Variants in TMEM45A observed in about 807,000 individuals in gnomAD.
TMEM45A encodes the protein DNA polymerase-transactivated protein 4.
A neutral mutation model predicts 32.0 loss-of-function variants in TMEM45A; 25 were observed. That is an observed-to-expected ratio of 0.78 (90% confidence interval 0.57 to 1.09). TMEM45A has a LOEUF of 1.09. Ranked by LOEUF, TMEM45A falls within the 50% of genes least tolerant of loss-of-function variation. The pLI is 0.00. For synonymous variants in TMEM45A, 122 were observed against 114.8 expected (o/e 1.06, Z -0.40); for missense variants, 302 against 325.0 (o/e 0.93, Z 0.54).
At chr3:100,500,201 T>C (rs1707990112) in intron 1 of TMEM45A, among the ~76,000 whole-genome samples, 1 of 152,178 alleles carries the variant, frequency 6.6e-6, no homozygotes, top group Non-Finnish European at 1.5e-5. Context: ...ACATAAATAT[T>C]ATTTTAAAAT....
At chr3:100,514,305 C>T (rs537755716) in intron 1 of TMEM45A, among the ~76,000 whole-genome samples, 4 of 152,178 alleles carry the variant, frequency 2.6e-5, no homozygotes, top group Non-Finnish European at 5.9e-5. Flanking sequence ...AGAACAGAGC[C>T]CTCAGAAATA....
At chr3:100,569,075 C>A in intron 5 of TMEM45A, 108 bp downstream of exon 5, 1 of 1,162,774 alleles carries the variant, frequency 8.6e-7, no homozygotes, top group South Asian at 1.6e-5. Flanking sequence ...TCCTTATCAT[C>A]CCATAAGACA....
intron 1 of TMEM45A, among the ~76,000 whole-genome samples, chr3:100,534,527 A>G (rs1202603805): frequency 6.6e-6 from 1 of 152,184 alleles, no homozygotes; most frequent in Non-Finnish European, 1.5e-5. Context: ...GGAGGTATCT[A>G]GAAGCTGGAA....
At chr3:100,548,042 G>T (rs1330565605) in intron 1 of TMEM45A, among the ~76,000 whole-genome samples, 2 of 152,108 alleles carry the variant, frequency 1.3e-5, no homozygotes, top group Non-Finnish European at 2.9e-5. Context: ...CATTGAGAGG[G>T]GTTGGTAGTG....
intron 1 of TMEM45A, among the ~76,000 whole-genome samples, chr3:100,528,143 C>T (rs1705581859): frequency 1.3e-5 from 2 of 152,350 alleles, no homozygotes; most frequent in South Asian, 4.1e-4. Flanking sequence ...AGTATGGTCA[C>T]TCTACCTTCA....
chr3:100,545,186 CT>C (rs1705960058), intron 1 of TMEM45A, among the ~76,000 whole-genome samples: 1 of 152,042 alleles, frequency 6.6e-6, no homozygotes, highest in Non-Finnish European at 1.5e-5. Context: ...CTTTTTGTAT[CT>C]TGTTAAAAAT....
intron 1 of TMEM45A, among the ~76,000 whole-genome samples, chr3:100,498,190 A>G (rs1488099874): frequency 1.3e-5 from 2 of 152,112 alleles, no homozygotes; most frequent in African/African-American, 4.8e-5. Flanking sequence ...TTCTGCCATG[A>G]TTGTAAGTTT....
rs1706705369 is a variant in TMEM45A, at chr3:100,577,034, A to C, written c.*16A>C. 2 of 1,595,396 alleles carry C rather than the reference A, an allele frequency of 1.3e-6. No homozygotes were observed. Among genetic ancestry groups the C allele is most frequent in the Non-Finnish European group, 1.7e-6 (2 of 1,167,968 alleles). ...AGAAATGTGACTTTGATGAGCTTCC[A>C]GTTTTTCTAGATAAACCTTTTCTTT... On this transcript the variant is annotated 3_prime_UTR_variant, in exon 6 of 6. Transcript: ENST00000323523.
chr3:100,575,363 C>CTTTTTGTTTTTTTTTTTTTT (rs1706660754), intron 5 of TMEM45A, among the ~76,000 whole-genome samples: 1 of 62,706 alleles, frequency 1.6e-5, no homozygotes, highest in African/African-American at 5.4e-5. Flanking sequence ...TATGGATTCT[C>CTTTTTGTTTTTTTTTTTTTT]TTTTTTTTTT....
At chr3:100,496,521 C>G (rs985046864) in intron 1 of TMEM45A, among the ~76,000 whole-genome samples, 5 of 152,336 alleles carry the variant, frequency 3.3e-5, no homozygotes, top group Non-Finnish European at 2.9e-5. Context: ...GCTACAGCTG[C>G]TCTTCGTGTT....
At chr3:100,527,369 G>A (rs1490152554) in intron 1 of TMEM45A, among the ~76,000 whole-genome samples, 4 of 152,178 alleles carry the variant, frequency 2.6e-5, no homozygotes, top group Non-Finnish European at 5.9e-5. Flanking sequence ...AAGGAACAAG[G>A]TGAATATAGT....
At chr3:100,495,873 C>T (rs1168306412) in intron 1 of TMEM45A, among the ~76,000 whole-genome samples, 1 of 152,184 alleles carries the variant, frequency 6.6e-6, no homozygotes, top group Non-Finnish European at 1.5e-5. Flanking sequence ...TGTTACAACC[C>T]TCCCCATCCG....
intron 5 of TMEM45A, 51 bp from the exon 6 acceptor site, chr3:100,576,871 CTGG>C: frequency 7.3e-7 from 1 of 1,370,014 alleles, no homozygotes; most frequent in Non-Finnish European, 1.0e-6. Flanking sequence ...GCATATTGCT[CTGG>C]GTTTCTATTT....
intron 1 of TMEM45A, among the ~76,000 whole-genome samples, chr3:100,510,691 T>C (rs1406930037): frequency 6.6e-6 from 1 of 152,330 alleles, no homozygotes; most frequent in Admixed American, 6.5e-5. Flanking sequence ...CGGGAGGACA[T>C]TCAAACCAAA....
Position 100,523,000 on chromosome 3 carries a change from G to A in TMEM45A, c.-4+30072G>A, listed in dbSNP as rs1705463528. Among the ~76,000 whole-genome samples the A allele has an allele frequency of 2.6e-5, 4 of 152,160 alleles. No homozygotes were observed. The South Asian group carries it at 8.3e-4, about 32-fold the overall frequency. ...GGGTAGAAGGATGCCAACACTGCAT[G>A]TCCCCTGTCCCCTCCAGGCCAGCAT... On this transcript the variant is annotated intron_variant, in intron 1 of 5. Coordinates refer to ENST00000323523, the MANE Select transcript of TMEM45A (RefSeq NM_018004.3).
At chr3:100,551,862 C>CT (rs1316059035) in intron 1 of TMEM45A, among the ~76,000 whole-genome samples, 20 of 152,262 alleles carry the variant, frequency 1.3e-4, no homozygotes, top group Non-Finnish European at 2.2e-4. Context: ...AGGAGGACTC[C>CT]TTTCTTTCCC....
intron 1 of TMEM45A, among the ~76,000 whole-genome samples, chr3:100,547,933 G>A (rs943804719): frequency 2.6e-5 from 4 of 152,018 alleles, no homozygotes; most frequent in Admixed American, 2.0e-4. Flanking sequence ...TTTTTGGATT[G>A]CCTCATCCTT....
In TMEM45A at chr3:100,577,002, CAGA is replaced by C. The variant is rs775566360; in HGVS notation, c.820_822del (p.Glu274del). The C allele has an allele frequency of 6.2e-7, 1 of 1,613,026 alleles. No individual in the cohort carries two copies. The highest frequency in any genetic ancestry group is 2.2e-5 in the East Asian group (1 of 44,820). On this transcript the variant is annotated inframe_deletion, in exon 6 of 6. Transcript: ENST00000323523. ...AAAAATGCTGAACGAGAACAAGAAT[CAGA>C]AGAAGAAATGTGACTTTGATGAGCT...
At chr3:100,502,553 A>G (rs1419160984) in intron 1 of TMEM45A, among the ~76,000 whole-genome samples, 1 of 152,040 alleles carries the variant, frequency 6.6e-6, no homozygotes, top group Non-Finnish European at 1.5e-5. Flanking sequence ...TGCAGCTTCA[A>G]CCTCTTGGGC....
Sources: gnomAD v4.1 joint callset for allele counts (sites outside exome capture counted in the v4.1 genomes callset) on GRCh38, gnomAD v4.1.1 for gene constraint, MANE v1.5 for transcripts, NCBI Gene and HGNC (gene_info 2026-07-23, HGNC 2026-07-21) for gene names.